Variants in NFRKB observed in about 807,000 individuals in gnomAD.
NFRKB encodes nuclear factor related to kappa-B-binding protein.
A neutral mutation model predicts 135.7 loss-of-function variants in NFRKB; 62 were observed. The observed-to-expected ratio is 0.46, with a 90% confidence interval of 0.37 to 0.56. The LOEUF is 0.56. Among genes scored for constraint, NFRKB ranks in the 20% least tolerant of loss-of-function variants. NFRKB has a pLI of 0.00. For synonymous variants in NFRKB, 678 were observed against 635.6 expected, an observed-to-expected ratio of 1.07 and a Z score of -1.00; for missense variants, 1,545 against 1,662.0, an observed-to-expected ratio of 0.93 and a Z score of 1.22.
In NFRKB at chr11:129,872,904, C is replaced by A; in HGVS notation, c.2743G>T (p.Gly915Ter). Residue 915 changes from glycine to a stop codon, truncating the protein, a stop_gained, in exon 23 of 27, where the codon GGA (glycine) becomes TGA (stop). Transcript: ENST00000682444. LOFTEE classifies it high-confidence loss of function. ...STAAVIQNVT[G>*]QNIIKQVAIT... Reference sequence around the variant, plus strand: ...CCTACCTGCTTGATGATGTTCTGTCCTGTGACATTTTGAATGACGGCAGCC... The same window carrying A: ...CCTACCTGCTTGATGATGTTCTGTCATGTGACATTTTGAATGACGGCAGCC... 6.2e-7 allele frequency: 1 copy of A among 1,611,940 alleles called. No homozygotes were observed. Among genetic ancestry groups the A allele is most frequent in the Non-Finnish European group, 8.5e-7 (1 of 1,178,492 alleles).
intron 23 of NFRKB, among the ~76,000 whole-genome samples, chr11:129,872,437 C>T (rs1231076709): frequency 3.9e-5 from 6 of 152,182 alleles, no homozygotes; most frequent in Non-Finnish European, 8.8e-5. Context: ...ATGCTTAACG[C>T]GGTGCAGGCA....
intron 8 of NFRKB, 133 bp from the exon 9 acceptor site, chr11:129,883,339 G>C: frequency 1.5e-6 from 1 of 658,736 alleles, no homozygotes; most frequent in East Asian, 2.6e-5. Flanking sequence ...AATATAGAGA[G>C]ATAAAACTAT....
rs568640295 is a variant in NFRKB at position 129,888,566 on chromosome 11, CT to C, written c.337+27del. 21 of 1,610,384 alleles carry C rather than the reference CT, an allele frequency of 1.3e-5. No homozygotes were observed. The African/African-American group carries it at 2.4e-4, about 18-fold the overall frequency. ...GAACGTGTGCCCATCCACCACCCCC[CT>C]CAAAGAAAGAATACTGAGCTACAAA... On this transcript the variant is annotated intron_variant, in intron 4 of 26. Transcript: ENST00000682444.
At chr11:129,880,516 C>T (rs191241830) in intron 13 of NFRKB, among the ~76,000 whole-genome samples, 7 of 152,294 alleles carry the variant, frequency 4.6e-5, no homozygotes, top group Admixed American at 1.3e-4. Context: ...AATGCTGCTG[C>T]CTCCCCTCTG....
intron 9 of NFRKB, 112 bp from the exon 10 acceptor site, chr11:129,882,743 G>C (rs1464506427): frequency 8.9e-7 from 1 of 1,120,602 alleles, no homozygotes; most frequent in Middle Eastern, 2.1e-4. Context: ...AAAAGTCTCA[G>C]TAATAAAACA....
chr11:129,891,188 A>G (rs1252264509), intron 3 of NFRKB, among the ~76,000 whole-genome samples: 2 of 152,144 alleles, frequency 1.3e-5, no homozygotes, highest in East Asian at 3.9e-4. Flanking sequence ...AGGAGATGCA[A>G]TCGTGCCATG....
At chr11:129,871,217 A>G (rs1218255853) in intron 23 of NFRKB, among the ~76,000 whole-genome samples, 2 of 152,148 alleles carry the variant, frequency 1.3e-5, no homozygotes, top group African/African-American at 4.8e-5. Flanking sequence ...TTTAATCTGT[A>G]TTATTTTTTG....
chr11:129,894,236 C>T (rs1417353278), intron 2 of NFRKB, 123 bp downstream of exon 2: 6 of 152,208 alleles, frequency 3.9e-5, no homozygotes, highest in Non-Finnish European at 1.5e-5. Context: ...TCCTTTCCAG[C>T]TCCTATTCCT....
chr11:129,892,747 T>C lies in NFRKB; in HGVS notation c.103A>G (p.Arg35Gly). The C allele has an allele frequency of 6.2e-7, 1 of 1,614,148 alleles. No individual in the cohort carries two copies. Among genetic ancestry groups the C allele is most frequent in the South Asian group, 1.1e-5 (1 of 91,074 alleles). Residue 35 changes from arginine (R) to glycine (G), a missense_variant, in exon 3 of 27, where the codon AGA becomes GGA. Transcript: ENST00000682444. ...AGAAGGTCCTCGGGCAGACTAACTC[T>C]GGTGCCTCCCAGGAGGCAATCCTCC... Reference protein sequence around the residue: ...IMEDCLLGGTRVSLPEDLLED... With the variant: ...IMEDCLLGGTGVSLPEDLLED...
chr11:129,882,130 G>C lies in NFRKB; in HGVS notation c.1147C>G (p.Leu383Val), dbSNP rs751708601. The change falls in exon 11 of 27, where the codon CTA becomes GTA. Residue 383 changes from leucine to valine, a missense_variant. Around this residue, in one of 3 missense-constraint regions of NFRKB, gnomAD observed 678 missense variants for 646.7 expected, o/e 1.05. Transcript: ENST00000682444. ...CTCTCCAGCAGCAAGATCTCTAATA[G>C]AAGAGAGAAGAAGCTGGAAGATATT... ...NEISSSFFSL[L>V]LEILLLESQA... 5 of 1,613,568 alleles carry C rather than the reference G, an allele frequency of 3.1e-6. No individual in the cohort carries two copies. Among genetic ancestry groups the C allele is most frequent in the African/African-American group, 1.3e-5 (1 of 74,984 alleles).
chr11:129,866,146 C>G (rs1029011211), intron 24 of NFRKB, among the ~76,000 whole-genome samples, 163 bp from the exon 25 acceptor site: 1 of 152,172 alleles, frequency 6.6e-6, no homozygotes, highest in African/African-American at 2.4e-5. Flanking sequence ...CCAGAAAACC[C>G]TAACGAACTA....
chr11:129,875,281 T>C (rs772584768), intron 18 of NFRKB, 76 bp downstream of exon 18: 4 of 1,211,018 alleles, frequency 3.3e-6, no homozygotes, highest in South Asian at 1.4e-5. Flanking sequence ...AAAATTTTGT[T>C]ATATTTTGTA....
chr11:129,883,235 G>T (rs769840683), intron 8 of NFRKB, 29 bp from the exon 9 acceptor site: 1 of 1,601,068 alleles, frequency 6.2e-7, no homozygotes, highest in Non-Finnish European at 8.5e-7. Context: ...ATTTGGTCAT[G>T]GAGGCCCAAA....
At position 129,864,828 on chromosome 11, in the gene NFRKB, G is replaced by A; in HGVS notation, c.3797C>T (p.Ala1266Val). 1 of 1,614,186 alleles carries A rather than the reference G, an allele frequency of 6.2e-7. No homozygotes were observed. The change falls in exon 27 of 27, where the codon GCA (alanine) becomes GTA (valine). Residue 1266 changes from alanine (A) to valine (V), a missense_variant. Around this residue, in one of 3 missense-constraint regions of NFRKB, gnomAD observed 753 missense variants for 804.3 expected, o/e 0.94. Transcript: ENST00000682444. ...AGCTGTTCCCTGTTGGAGATGGGAT[G>A]CAGGGACAGTCTGGATGCGCACCTG... ...ATQVRIQTVPASHLQQGTASG... is the reference protein window; with the variant it reads ...ATQVRIQTVPVSHLQQGTASG...
Position 129,878,343 on chromosome 11 carries a change from C to A in NFRKB, c.1477G>T (p.Asp493Tyr). Residue 493 changes from aspartate (D) to tyrosine (Y), a missense_variant, in exon 15 of 27, where the codon GAC (aspartate) becomes TAC (tyrosine). Asp to Tyr is a radical substitution (Grantham distance 160). This residue lies in a region of NFRKB where 678 missense variants were observed against 646.7 expected (regional missense o/e 1.05). Coordinates refer to ENST00000682444, the MANE Select transcript of NFRKB (RefSeq NM_001143835.2). ...DQAFCKQENE[D>Y]SSDATTPVPR... is the part of the protein sequence containing the mutation. ...ACAGGTGTTGTGGCATCTGAGCTGT[C>A]TTCATTTTCTTGCTGGAGAAAAAGA... 1 of 1,614,168 alleles carries A rather than the reference C, an allele frequency of 6.2e-7. No individual in the cohort carries two copies.
intron 22 of NFRKB, among the ~76,000 whole-genome samples, chr11:129,873,473 G>A (rs1948613968): frequency 1.3e-5 from 2 of 152,292 alleles, no homozygotes; most frequent in African/African-American, 2.4e-5. Context: ...CACAAGGTCC[G>A]CATTTACAAC....
chr11:129,882,174 G>A lies in NFRKB; in HGVS notation c.1103C>T (p.Pro368Leu). 6.8e-6 allele frequency: 11 copies of A among 1,611,956 alleles called. No homozygotes were observed. The highest frequency in any genetic ancestry group is 9.3e-6 in the Non-Finnish European group (11 of 1,179,446). ...AGATATTTCATTGATTCCAAGGCAAGGCTTGAGGTCTTCAAGGGGCCTAAT... is the reference window on the plus strand; with the variant it reads ...AGATATTTCATTGATTCCAAGGCAAAGCTTGAGGTCTTCAAGGGGCCTAAT... ...IKEEPLEDLK[P>L]CLGINEISSS... The change falls in exon 11 of 27, where the codon CCT becomes CTT. Residue 368 changes from proline to leucine, a missense_variant. Pro to Leu is a moderately conservative substitution (Grantham distance 98). Coordinates refer to ENST00000682444, the MANE Select transcript of NFRKB (RefSeq NM_001143835.2).
Position 129,874,662 on chromosome 11 carries a change from T to C in NFRKB, c.1979-82A>G, listed in dbSNP as rs1460233011. ...GGGGCTTTGTTAAAAACCAACACCTTGCCAGTGGACTGAATCCTGCCTCTA... is the reference window on the plus strand; with the variant it reads ...GGGGCTTTGTTAAAAACCAACACCTCGCCAGTGGACTGAATCCTGCCTCTA... On this transcript the variant is annotated intron_variant, in intron 19 of 26. Transcript: ENST00000682444. This position sits in a 1 kb window ranked among gnomAD's most constrained non-coding sequence, Gnocchi z 4.5. 9 of 1,603,004 alleles carry C rather than the reference T, an allele frequency of 5.6e-6. No individual in the cohort carries two copies. The highest frequency in any genetic ancestry group is 3.3e-4 in the Middle Eastern group (2 of 5,990).
intron 24 of NFRKB, among the ~76,000 whole-genome samples, chr11:129,867,070 G>A (rs1948227210): frequency 6.6e-6 from 1 of 152,096 alleles, no homozygotes; most frequent in Non-Finnish European, 1.5e-5. Flanking sequence ...TCTCAGACCA[G>A]TACACTGCCT....
Sources: allele counts gnomAD v4.1 joint callset (sites outside exome capture counted in the v4.1 genomes callset), GRCh38; gene constraint gnomAD v4.1.1; regional missense constraint gnomAD v4.1.1; non-coding constraint Gnocchi (gnomAD v3.1); transcripts MANE v1.5; gene names NCBI Gene and HGNC (gene_info 2026-07-23, HGNC 2026-07-21).